The following ABCA4 variants were observed in gnomAD, a reference collection of about 807,000 sequenced individuals.
ABCA4 encodes the protein ATP binding cassette subfamily A member 4.
A neutral mutation model predicts 263.7 loss-of-function variants in ABCA4; 196 were observed. That is an observed-to-expected ratio of 0.74 (90% CI 0.66 to 0.84). ABCA4 has a LOEUF of 0.84. Ranked by LOEUF, ABCA4 falls within the 40% of genes least tolerant of loss-of-function variation. The probability of loss-of-function intolerance (pLI) is 0.00; values close to 1 mark genes in which losing one functional copy is unlikely to be tolerated. For missense variants in ABCA4, 2,792 were observed against 2,855.1 expected (o/e 0.98, Z 0.50); for synonymous variants, 1,133 against 1,094.2 (o/e 1.04, Z -0.70).
At chr1:94,025,174 G>A in intron 30 of ABCA4, 126 bp from the exon 31 acceptor site, 1 of 801,354 alleles carries the variant, frequency 1.2e-6, no homozygotes, top group Non-Finnish European at 2.2e-6. Flanking sequence ...ACTAAATAAA[G>A]TACTGGCATC....
chr1:94,107,510 T>C (rs1409679955), intron 4 of ABCA4, among the ~76,000 whole-genome samples: 2 of 152,190 alleles, frequency 1.3e-5, no homozygotes, highest in African/African-American at 4.8e-5. Flanking sequence ...AAAGGCACAT[T>C]GGTGTTATTA....
Position 93,998,761 on chromosome 1 carries a change from G to T in ABCA4, c.6480-651C>A, listed in dbSNP as rs139069994. 8.9e-3 allele frequency among the ~76,000 whole-genome samples: 943 copies of T among 105,494 alleles called. 13 individuals are homozygous for T. Among genetic ancestry groups the T allele is most frequent in the African/African-American group, 0.043 (892 of 20,556 alleles). The allele number at this position is 105,494 out of a possible 152,430, so 69.2% of individuals were successfully genotyped here. Reference sequence around the variant, plus strand: ...TATTTTATTTTATTTTATTTTATTTGAGACAGTCTCACCGTTGCCCAGGCT... The same window carrying T: ...TATTTTATTTTATTTTATTTTATTTTAGACAGTCTCACCGTTGCCCAGGCT... On this transcript the variant is annotated intron_variant, in intron 47 of 49. Transcript: ENST00000370225.
intron 24 of ABCA4, among the ~76,000 whole-genome samples, chr1:94,039,778 T>C (rs911231245): frequency 6.6e-6 from 1 of 152,218 alleles, no homozygotes; most frequent in East Asian, 1.9e-4. Flanking sequence ...ACCCCAGGAA[T>C]GATGGCTTAC....
Position 94,098,042 on chromosome 1 carries a change from C to T in ABCA4, c.768+752G>A, listed in dbSNP as rs371271301. On this transcript the variant is annotated intron_variant, in intron 6 of 49. Coordinates refer to ENST00000370225, the MANE Select transcript of ABCA4 (RefSeq NM_000350.3). Reference sequence around the variant, plus strand: ...AAAGTGCTGGGATTACAGGCGTGAGCCACTGCGCCCGGCCCTCTGATGGTT... The same window carrying T: ...AAAGTGCTGGGATTACAGGCGTGAGTCACTGCGCCCGGCCCTCTGATGGTT... Among the ~76,000 whole-genome samples the T allele has an allele frequency of 2.2e-4, 33 of 152,352 alleles. No homozygotes were observed. In the East Asian group the frequency reaches 4.8e-3, roughly 22 times the overall value.
At chr1:94,036,636 TG>T in intron 26 of ABCA4, 103 bp downstream of exon 26, 1 of 1,288,234 alleles carries the variant, frequency 7.8e-7, no homozygotes, top group Non-Finnish European at 1.1e-6. Flanking sequence ...CCCAAATTGC[TG>T]GGATTACAGG....
intron 6 of ABCA4, among the ~76,000 whole-genome samples, chr1:94,096,324 A>G (rs1662123534): frequency 6.6e-6 from 1 of 152,170 alleles, no homozygotes; most frequent in Non-Finnish European, 1.5e-5. Context: ...TCGGGGGGAC[A>G]AATGCTGCTG....
chr1:94,079,999 A>C (rs1661647297), intron 8 of ABCA4, among the ~76,000 whole-genome samples: 1 of 152,096 alleles, frequency 6.6e-6, no homozygotes, highest in South Asian at 2.1e-4. Flanking sequence ...AGACCAAAAA[A>C]AAAAAAATAG....
At chr1:94,075,119 C>T (rs35298667) in intron 11 of ABCA4, among the ~76,000 whole-genome samples, 23,464 of 152,044 alleles carry the variant, frequency 0.15, 2,145 homozygotes, top group Middle Eastern at 0.28. Flanking sequence ...AATGAGAACA[C>T]ATGGACACAG....
intron 48 of ABCA4, among the ~76,000 whole-genome samples, chr1:93,996,682 A>AT (rs375865755): frequency 2.0e-5 from 3 of 152,018 alleles, no homozygotes. Flanking sequence ...AAAGATGTTT[A>AT]TTTTTAAAAA....
rs148545207 is a variant in ABCA4 at position 94,046,994 on chromosome 1, C to T, written c.2843G>A (p.Arg948His). The change falls in exon 19 of 50, where the codon CGT (arginine) becomes CAT (histidine). Residue 948 changes from arginine (R) to histidine (H), a missense_variant. Physicochemically the swap from Arg to His is conservative, Grantham distance 29. Transcript: ENST00000370225. Reference sequence around the variant, plus strand: ...GTTCTCGTAGAAGGTGATGTTCAGACGGTCCACAGCTGGCCGGCCACAGGG... The same window carrying T: ...GTTCTCGTAGAAGGTGATGTTCAGATGGTCCACAGCTGGCCGGCCACAGGG... Reference protein sequence around the residue: ...FEPCGRPAVDRLNITFYENQI... With the variant: ...FEPCGRPAVDHLNITFYENQI... The T allele has an allele frequency of 2.9e-5, 47 of 1,614,144 alleles. No homozygotes were observed. Among genetic ancestry groups the T allele is most frequent in the Admixed American group, 1.5e-4 (9 of 60,020 alleles).
intron 22 of ABCA4, 48 bp from the exon 23 acceptor site, chr1:94,041,450 C>T (rs773438988): frequency 6.2e-7 from 1 of 1,604,754 alleles, no homozygotes; most frequent in South Asian, 1.1e-5. Context: ...CTGGGTTGGG[C>T]ATTGTTGGTA....
At chr1:94,067,685 A>G (rs1446735563) in intron 11 of ABCA4, among the ~76,000 whole-genome samples, 1 of 152,214 alleles carries the variant, frequency 6.6e-6, no homozygotes, top group Non-Finnish European at 1.5e-5. Context: ...TCTAAGGATC[A>G]CATTAGACGC....
intron 1 of ABCA4, 138 bp downstream of exon 1, chr1:94,120,842 G>A (rs542574710): frequency 2.6e-6 from 2 of 780,184 alleles, no homozygotes; most frequent in African/African-American, 3.4e-5. Flanking sequence ...CTGCTTCAGT[G>A]CTAATCGGCG....
At chr1:94,038,139 G>A (rs1021427145) in intron 24 of ABCA4, among the ~76,000 whole-genome samples, 1 of 151,856 alleles carries the variant, frequency 6.6e-6, no homozygotes, top group Non-Finnish European at 1.5e-5. Context: ...ATGCAGAGGG[G>A]GGGTTGAGAA....
chr1:94,073,475 A>G (rs1035240311), intron 11 of ABCA4, among the ~76,000 whole-genome samples: 1 of 152,170 alleles, frequency 6.6e-6, no homozygotes, highest in Admixed American at 6.5e-5. Flanking sequence ...TCTCCTAAGC[A>G]GTGTTTTTTG....
Position 94,074,126 on chromosome 1 carries a change from C to T in ABCA4, c.1554+3564G>A, listed in dbSNP as rs76730927. Among the ~76,000 whole-genome samples, 922 of 152,302 alleles carry T rather than the reference C, an allele frequency of 6.1e-3. 11 individuals are homozygous for T. Among genetic ancestry groups the T allele is most frequent in the East Asian group, 0.045 (234 of 5,182 alleles). On this transcript the variant is annotated intron_variant, in intron 11 of 49. Transcript: ENST00000370225. ...TCTTCCCTGGAAATTCTGAGCCAGT[C>T]GATCTGGGTTGATGCTTAAGAATCT...
chr1:94,008,091 G>T, intron 42 of ABCA4, 144 bp downstream of exon 42: 1 of 773,898 alleles, frequency 1.3e-6, no homozygotes, highest in Non-Finnish European at 2.2e-6. Context: ...TTTCTCATGT[G>T]GCTAGTGGAA....
At chr1:94,076,002 C>T (rs1159499125) in intron 11 of ABCA4, among the ~76,000 whole-genome samples, 1 of 152,172 alleles carries the variant, frequency 6.6e-6, no homozygotes, top group Non-Finnish European at 1.5e-5. Context: ...CATTTAAGAG[C>T]TGAGTGCTGA....
In ABCA4 at chr1:94,008,235, C is replaced by T. The variant is rs1442904666; in HGVS notation, c.5898G>A (p.Glu1966=). 1 of 1,614,008 alleles carries T rather than the reference C, an allele frequency of 6.2e-7. No individual in the cohort carries two copies. Among genetic ancestry groups the T allele is most frequent in the African/African-American group, 1.3e-5 (1 of 74,918 alleles). Residue 1966 remains glutamate (E), a splice_region_variant and synonymous_variant, in exon 42 of 50, where the codon GAG becomes GAA. Coordinates refer to ENST00000370225, the MANE Select transcript of ABCA4 (RefSeq NM_000350.3). ...DRLCVGVRPG[E]CFGLLGVNGA... The stretch of plus-strand genomic sequence containing the variant: ...CACACGTGGTCTGCAGAGTACCCAC[C>T]TCTCCAGGGCGAACTCCGACACACA...
Sources: allele counts gnomAD v4.1 joint callset (sites outside exome capture counted in the v4.1 genomes callset), GRCh38; gene constraint gnomAD v4.1.1; transcripts MANE v1.5; gene names NCBI Gene and HGNC (gene_info 2026-07-23, HGNC 2026-07-21).